The following AKAP6 variants were observed in gnomAD, a reference collection of about 807,000 sequenced individuals.
AKAP6 encodes the protein A-kinase anchoring protein 6, also known as A-kinase anchor protein 6.
In AKAP6, 58 loss-of-function variants were observed where a neutral mutation model predicts 188.5. The observed-to-expected ratio is 0.31, with a 90% CI of 0.25 to 0.38. The LOEUF is 0.38. Ranked by LOEUF, AKAP6 falls within the 10% of genes least tolerant of loss-of-function variation. The pLI, the probability that AKAP6 is intolerant of heterozygous loss-of-function variation, is 1.00. For missense variants in AKAP6, 2,710 were observed against 2,740.0 expected (o/e 0.99, Z 0.24); for synonymous variants, 989 against 998.6 (o/e 0.99, Z 0.18).
intron 8 of AKAP6, chr14:32,693,259 G>A (rs1388882906): frequency 6.6e-6 from 1 of 152,086 alleles, no homozygotes; most frequent in African/African-American, 2.4e-5. Context: ...ATTTCTTGCT[G>A]ACTAAGCCTC....
Position 32,822,821 on chromosome 14 carries a change from G to A in AKAP6, c.5008G>A (p.Gly1670Ser). The A allele has an allele frequency of 6.2e-7, 1 of 1,613,972 alleles. No homozygotes were observed. Among genetic ancestry groups the A allele is most frequent in the Non-Finnish European group, 8.5e-7 (1 of 1,179,940 alleles). Residue 1670 changes from glycine (G) to serine (S), a missense_variant, in exon 13 of 14, where the codon GGC becomes AGC. Gly to Ser is a moderately conservative substitution (Grantham distance 56, BLOSUM62 0). Transcript: ENST00000280979. ...CAGTTCCCAAAAGATGTCCTTTACTGGCCAGATGTCATTGGACATAGCATC... is the reference window on the plus strand; with the variant it reads ...CAGTTCCCAAAAGATGTCCTTTACTAGCCAGATGTCATTGGACATAGCATC... ...QSSSQKMSFT[G>S]QMSLDIASSI...
chr14:32,382,659 A>G (rs1191484605), intron 1 of AKAP6, among the ~76,000 whole-genome samples: 1 of 152,194 alleles, frequency 6.6e-6, no homozygotes, highest in Non-Finnish European at 1.5e-5. Flanking sequence ...GGCAGGATTC[A>G]AGTGCCAGTT....
chr14:32,402,267 C>G (rs902306066), intron 1 of AKAP6: 1 of 152,204 alleles, frequency 6.6e-6, no homozygotes, highest in South Asian at 2.1e-4. Flanking sequence ...GATATCTTTT[C>G]AGCAGATAGC....
intron 12 of AKAP6, among the ~76,000 whole-genome samples, chr14:32,783,502 A>C (rs2033314018): frequency 6.6e-6 from 1 of 152,142 alleles, no homozygotes; most frequent in South Asian, 2.1e-4. Context: ...CTGTTTAAAA[A>C]AAACACATAT....
In AKAP6 at chr14:32,824,007, A is replaced by G; in HGVS notation, c.6194A>G (p.Asp2065Gly). Residue 2065 changes from aspartate to glycine, a missense_variant, in exon 13 of 14, where the codon GAC (aspartate) becomes GGC (glycine). Around this residue, in one of 2 missense-constraint regions of AKAP6, gnomAD observed 2,473 missense variants for 2,426.1 expected, o/e 1.02. Coordinates refer to ENST00000280979, the MANE Select transcript of AKAP6 (RefSeq NM_004274.5). The stretch of plus-strand genomic sequence containing the variant: ...CACAACTTTGTTAAGGAAATCATTG[A>G]CATGGCTTCGACAGCCCTAAAAAGT... ...SVHNFVKEII[D>G]MASTALKSKS... The G allele has an allele frequency of 1.2e-6, 2 of 1,613,956 alleles. No individual in the cohort carries two copies. The highest frequency in any genetic ancestry group is 8.5e-7 in the Non-Finnish European group (1 of 1,179,926).
chr14:32,771,091 G>A lies in AKAP6; in HGVS notation c.3373-2587G>A, dbSNP rs114958902. On this transcript the variant is annotated intron_variant, in intron 11 of 13. Transcript: ENST00000280979. ...AAGAAATGTTGCCAGCACATCCACT[G>A]ATTTTATTATGAATTTTTGATTACG... 3.3e-3 allele frequency among the ~76,000 whole-genome samples: 500 copies of A among 152,218 alleles called. 3 individuals are homozygous for A. The highest frequency in any genetic ancestry group is 0.011 in the African/African-American group (466 of 41,536).
chr14:32,541,935 T>A (rs547020617), intron 3 of AKAP6, among the ~76,000 whole-genome samples: 1 of 152,332 alleles, frequency 6.6e-6, no homozygotes, highest in African/African-American at 2.4e-5. Context: ...TTGTGCAGTA[T>A]AATTTAGTGT....
intron 4 of AKAP6, among the ~76,000 whole-genome samples, chr14:32,563,670 C>T (rs1362090401): frequency 6.6e-6 from 1 of 152,180 alleles, no homozygotes; most frequent in Non-Finnish European, 1.5e-5. Context: ...CTTCGTGGGA[C>T]CTGTGATGGC....
intron 1 of AKAP6, among the ~76,000 whole-genome samples, chr14:32,365,329 T>G (rs980161365): frequency 7.2e-5 from 11 of 152,118 alleles, no homozygotes; most frequent in African/African-American, 2.7e-4. Context: ...AGAATGCATT[T>G]CCACACTGTG....
intron 11 of AKAP6, among the ~76,000 whole-genome samples, chr14:32,745,694 C>T (rs1022625115): frequency 6.6e-5 from 10 of 152,184 alleles, no homozygotes; most frequent in African/African-American, 2.4e-4. Flanking sequence ...TTACTCAAGG[C>T]CCTGGGGCTC....
At chr14:32,817,028 A>G (rs1002236193) in intron 12 of AKAP6, among the ~76,000 whole-genome samples, 1 of 152,166 alleles carries the variant, frequency 6.6e-6, no homozygotes. Flanking sequence ...CAAAAGATGC[A>G]ACTTTTGAAA....
At chr14:32,826,156 A>C (rs1162466079) in intron 13 of AKAP6, among the ~76,000 whole-genome samples, 1 of 150,296 alleles carries the variant, frequency 6.7e-6, no homozygotes, top group Non-Finnish European at 1.5e-5. Flanking sequence ...GAGCTGCTAG[A>C]AATGGGGACT....
chr14:32,784,519 T>C (rs1175977416), intron 12 of AKAP6, among the ~76,000 whole-genome samples: 1 of 152,160 alleles, frequency 6.6e-6, no homozygotes, highest in East Asian at 1.9e-4. Context: ...CTTTTTTCCA[T>C]ATTAGTTTTG....
intron 9 of AKAP6, among the ~76,000 whole-genome samples, chr14:32,723,157 A>G (rs1428916651): frequency 1.3e-5 from 2 of 152,228 alleles, no homozygotes; most frequent in East Asian, 1.9e-4. Context: ...GAAGGGGTCA[A>G]GGGAACTCTC....
chr14:32,577,904 G>A (rs551929925), intron 5 of AKAP6, among the ~76,000 whole-genome samples: 11 of 152,198 alleles, frequency 7.2e-5, no homozygotes, highest in South Asian at 2.1e-4. Context: ...TCAAATGGCC[G>A]ATATCAATTA....
intron 1 of AKAP6, among the ~76,000 whole-genome samples, chr14:32,393,504 G>T (rs981488298): frequency 1.3e-5 from 2 of 152,054 alleles, no homozygotes; most frequent in African/African-American, 4.8e-5. Flanking sequence ...GGGACAAATG[G>T]CAAACTCTGA....
chr14:32,390,956 T>C (rs1279696540), intron 1 of AKAP6, among the ~76,000 whole-genome samples: 2 of 152,122 alleles, frequency 1.3e-5, no homozygotes, highest in East Asian at 1.9e-4. Context: ...CTCTGTTTTT[T>C]AAACGTTGCA....
rs1555327187 is a variant in AKAP6 at position 32,420,909 on chromosome 14, T to TTTTGTGTGTGTG, written c.-34-12550_-34-12549insTTGTGTGTGTGT. Among the ~76,000 whole-genome samples, 1,222 of 146,498 alleles carry TTTTGTGTGTGTG rather than the reference T, an allele frequency of 8.3e-3. 15 individuals carry two copies. Among genetic ancestry groups the TTTTGTGTGTGTG allele is most frequent in the African/African-American group, 0.025 (990 of 39,762 alleles). ...TAAGAAAAGTGTGCAGGAGATTGAT[T>TTTTGTGTGTGTG]TGTGTGTGTGTGTGTGTGTGTGTGT... On this transcript the variant is annotated intron_variant, in intron 1 of 13. Coordinates refer to ENST00000280979, the MANE Select transcript of AKAP6 (RefSeq NM_004274.5).
intron 11 of AKAP6, among the ~76,000 whole-genome samples, chr14:32,759,865 C>T (rs1244488791): frequency 1.3e-5 from 2 of 152,182 alleles, no homozygotes; most frequent in African/African-American, 2.4e-5. Flanking sequence ...GCCCCACCTC[C>T]AGCATAGGGG....
Sources: gnomAD v4.1 joint callset for allele counts (sites outside exome capture counted in the v4.1 genomes callset) on GRCh38, gnomAD v4.1.1 for gene constraint, gnomAD v4.1.1 regional missense constraint, MANE v1.5 for transcripts, NCBI Gene and HGNC (gene_info 2026-07-23, HGNC 2026-07-21) for gene names.